VCPKMT: variants seen among roughly 807,000 people sequenced by gnomAD.
VCPKMT encodes protein N-lysine methyltransferase METTL21D.
Under a neutral mutation model 28.6 loss-of-function variants are expected in VCPKMT, and 32 were observed. That is an observed-to-expected ratio of 1.12 (90% confidence interval 0.84 to 1.50). The LOEUF is 1.50. Among genes scored for constraint, VCPKMT ranks in the 40% most tolerant of loss-of-function variants. The probability of loss-of-function intolerance (pLI) is 0.00; values close to 1 mark genes in which losing one functional copy is unlikely to be tolerated. For missense variants in VCPKMT, 366 were observed against 285.0 expected (o/e 1.28, Z -2.05); for synonymous variants, 138 against 111.4 (o/e 1.24, Z -1.50).
At chr14:50,108,480 G>A (rs1377827617), downstream of VCPKMT, among the ~76,000 whole-genome samples, 1 of 152,174 alleles carries the variant, frequency 6.6e-6, no homozygotes, top group Admixed American at 6.5e-5. Context: ...GGGGAAACCA[G>A]CAAAGGAAAC....
At chr14:50,110,993 G>A (rs1882612388) in intron 5 of VCPKMT, 2 of 215,246 alleles carry the variant, frequency 9.3e-6, no homozygotes, top group Non-Finnish European at 1.6e-5. Flanking sequence ...GCTGGGGACG[G>A]GGGTAACAGG....
At chr14:50,111,734 A>G (rs1882675722) in intron 5 of VCPKMT, 2 of 685,216 alleles carry the variant, frequency 2.9e-6, no homozygotes, top group African/African-American at 2.0e-5. Context: ...AAAAATACAA[A>G]AATTAGCTGG....
intron 4 of VCPKMT, among the ~76,000 whole-genome samples, chr14:50,113,216 C>G (rs1882827931): frequency 6.6e-6 from 1 of 152,126 alleles, no homozygotes; most frequent in Non-Finnish European, 1.5e-5. Flanking sequence ...AAGCTCAGCA[C>G]TTGACTGATA....
intron 5 of VCPKMT, chr14:50,111,788 A>T (rs1882679101): frequency 1.9e-5 from 12 of 644,076 alleles, no homozygotes; most frequent in Non-Finnish European, 2.1e-5. Context: ...CAGGAGGCTG[A>T]GGTGGGAGGA....
At chr14:50,108,355 TTAA>T (rs1882414674), downstream of VCPKMT, among the ~76,000 whole-genome samples, 1 of 152,234 alleles carries the variant, frequency 6.6e-6, no homozygotes, top group Non-Finnish European at 1.5e-5. Flanking sequence ...TAAGACATCA[TTAA>T]TAACAGCTAG....
chr14:50,111,796 G>T, intron 5 of VCPKMT: 2 of 682,988 alleles, frequency 2.9e-6, no homozygotes, highest in Non-Finnish European at 3.6e-6. Context: ...TGAGGTGGGA[G>T]GATCACTTCT....
At chr14:50,105,832 C>A (rs760243982), downstream of VCPKMT, among the ~76,000 whole-genome samples, 4 of 152,096 alleles carry the variant, frequency 2.6e-5, no homozygotes, top group Non-Finnish European at 5.9e-5. Context: ...GTTGAATCCC[C>A]CTTCCTTCTT....
Position 50,116,271 on chromosome 14 carries a change from G to A in VCPKMT, c.266+16C>T. ...AAGAAGGCGCCCCCACATCCCGCCC[G>A]CCCGCCAGCTCTTACCCGAGGGTAG... On this transcript the variant is annotated intron_variant, in intron 1 of 5. Coordinates refer to ENST00000395860, the MANE Select transcript of VCPKMT (RefSeq NM_024558.3). 7.5e-7 allele frequency: 1 copy of A among 1,325,568 alleles called. No individual in the cohort carries two copies. Among genetic ancestry groups the A allele is most frequent in the East Asian group, 3.5e-5 (1 of 28,418 alleles). 82.1% of individuals were successfully genotyped at this position (1,325,568 alleles called of 1,614,324 possible).
At chr14:50,112,065 T>A in intron 5 of VCPKMT, 1 of 985,178 alleles carries the variant, frequency 1.0e-6, no homozygotes, top group Non-Finnish European at 1.2e-6. Context: ...TGGACTCATC[T>A]GCCTTGTTGT....
intron 5 of VCPKMT, 115 bp downstream of exon 5, chr14:50,112,500 T>A: frequency 1.8e-6 from 1 of 561,360 alleles, no homozygotes. Flanking sequence ...GTCCAGTGAA[T>A]CATTAGAGCT....
chr14:50,110,354 G>A (rs1375464177), intron 5 of VCPKMT, among the ~76,000 whole-genome samples: 2 of 152,196 alleles, frequency 1.3e-5, no homozygotes, highest in African/African-American at 2.4e-5. Flanking sequence ...TAATGCATCT[G>A]TAAGTGTTTA....
At position 50,112,400 on chromosome 14, in the gene VCPKMT, A is replaced by G. The variant is rs1275447514; in HGVS notation, c.675+215T>C. Among the ~76,000 whole-genome samples the G allele has an allele frequency of 7.6e-5, 11 of 144,932 alleles. 1 individual carries two copies. Among genetic ancestry groups the G allele is most frequent in the African/African-American group, 2.3e-4 (9 of 39,376 alleles). ...TCTCTACTTAAAAAATACGAGAAAA[A>G]AAAAAAAAAAAAAAAAAAAAGCCTG... On this transcript the variant is annotated intron_variant, in intron 5 of 5. Coordinates refer to ENST00000395860, the MANE Select transcript of VCPKMT (RefSeq NM_024558.3).
At chr14:50,110,658 G>C (rs781710438) in intron 5 of VCPKMT, among the ~76,000 whole-genome samples, 13 of 152,188 alleles carry the variant, frequency 8.5e-5, no homozygotes, top group Non-Finnish European at 1.6e-4. Context: ...AAGTTAAACA[G>C]AGTTCCCATA....
downstream of VCPKMT, among the ~76,000 whole-genome samples, chr14:50,107,963 T>C (rs1345863335): frequency 2.0e-5 from 3 of 151,146 alleles, no homozygotes; most frequent in Non-Finnish European, 2.9e-5. Context: ...CTAAGGAGGG[T>C]GGATCACTTG....
Position 50,109,304 on chromosome 14 carries a change from CATT to C in VCPKMT, c.*392_*394del. 1.0e-6 allele frequency: 1 copy of C among 997,272 alleles called. No individual in the cohort carries two copies. Among genetic ancestry groups the C allele is most frequent in the Non-Finnish European group, 1.2e-6 (1 of 837,638 alleles). 61.8% of individuals were successfully genotyped at this position (997,272 alleles called of 1,614,324 possible). On this transcript the variant is annotated 3_prime_UTR_variant, in exon 6 of 6. Transcript: ENST00000395860. ...AAAATTTACTAGTTTGAATTTAAAA[CATT>C]ATTATATAATAGCAGATAGTTCTCT... is the stretch of plus-strand genomic sequence containing the variant.
At chr14:50,116,036 A>G (rs759150068) in intron 2 of VCPKMT, 33 bp downstream of exon 2, 46 of 1,595,966 alleles carry the variant, frequency 2.9e-5, no homozygotes, top group East Asian at 6.7e-5. Flanking sequence ...CTACAAATCA[A>G]TATCTTAAAA....
Position 50,108,850 on chromosome 14 carries a change from G to A in VCPKMT, c.*849C>T. 1.0e-6 allele frequency: 1 copy of A among 985,406 alleles called. No individual in the cohort carries two copies. Among genetic ancestry groups the A allele is most frequent in the East Asian group, 1.1e-4 (1 of 8,820 alleles). 61.0% of individuals were successfully genotyped at this position (985,406 alleles called of 1,614,324 possible). A position where few individuals can be genotyped will look rare whatever the true frequency, so the allele number is the denominator to read the frequency against. ...ATATACATATAGAACTACATTTGTA[G>A]TTATTCAAAAACCTTTCACTGCTTC... On this transcript the variant is annotated 3_prime_UTR_variant, in exon 6 of 6. Coordinates refer to ENST00000395860, the MANE Select transcript of VCPKMT (RefSeq NM_024558.3).
the VCPKMT span, among the ~76,000 whole-genome samples, chr14:50,103,597 G>T: frequency 2.1e-4 from 32 of 152,284 alleles, no homozygotes; most frequent in East Asian, 5.8e-3. Context: ...ACGAGGATTT[G>T]CTCTGTCCCT....
downstream of VCPKMT, among the ~76,000 whole-genome samples, chr14:50,107,878 G>C (rs1882387057): frequency 6.6e-6 from 1 of 152,094 alleles, no homozygotes; most frequent in Admixed American, 6.5e-5. Context: ...TCAGGCCAAA[G>C]ACCCACAGAT....
Sources: gnomAD v4.1 joint callset for allele counts (sites outside exome capture counted in the v4.1 genomes callset) on GRCh38, gnomAD v4.1.1 for gene constraint, MANE v1.5 for transcripts, NCBI Gene and HGNC (gene_info 2026-07-23, HGNC 2026-07-21) for gene names.